The following MSI2 variants were observed in gnomAD, a reference collection of about 807,000 sequenced individuals.
The protein encoded by MSI2 is RNA-binding protein Musashi homolog 2.
A neutral mutation model predicts 45.6 loss-of-function variants in MSI2; 17 were observed. The ratio of observed to expected loss-of-function variants is 0.37; its 90% confidence interval spans 0.26 to 0.56. The LOEUF is 0.56. Among genes scored for constraint, MSI2 ranks in the 20% least tolerant of loss-of-function variants. The pLI, the probability that MSI2 is intolerant of heterozygous loss-of-function variation, is 0.77. For missense variants in MSI2, 293 were observed against 444.2 expected, an observed-to-expected ratio of 0.66 and a Z score of 3.06; for synonymous variants, 156 against 158.2, an observed-to-expected ratio of 0.99 and a Z score of 0.11.
chr17:57,676,858 G>C, intron 12 of MSI2, 129 bp from the exon 13 acceptor site: 1 of 735,048 alleles, frequency 1.4e-6, no homozygotes, highest in Non-Finnish European at 2.5e-6. Context: ...TCATGGCACG[G>C]TGTCTCAGAA....
intron 5 of MSI2, among the ~76,000 whole-genome samples, chr17:57,329,090 G>A (rs1182821927): frequency 6.6e-6 from 1 of 152,106 alleles, no homozygotes; most frequent in East Asian, 1.9e-4. Flanking sequence ...TCTAGCTGGT[G>A]TGTGCCCTGA....
intron 11 of MSI2, among the ~76,000 whole-genome samples, chr17:57,660,147 A>C (rs1911887017): frequency 6.6e-6 from 1 of 152,112 alleles, no homozygotes; most frequent in Non-Finnish European, 1.5e-5. Flanking sequence ...CAATTCTCTT[A>C]GCTTCGCCCT....
chr17:57,630,906 A>G (rs72834944), intron 10 of MSI2: 69,378 of 152,050 alleles, frequency 0.46, 16,472 homozygotes, highest in African/African-American at 0.51. Flanking sequence ...CGGCTGGGGT[A>G]CAGAAGGGGG....
At chr17:57,653,467 C>T (rs1448308417) in intron 11 of MSI2, among the ~76,000 whole-genome samples, 1 of 152,088 alleles carries the variant, frequency 6.6e-6, no homozygotes, top group Non-Finnish European at 1.5e-5. Context: ...GCCCTCTGGC[C>T]AGTGTCCCTC....
chr17:57,288,800 G>C (rs1910141539), intron 5 of MSI2, among the ~76,000 whole-genome samples: 1 of 152,158 alleles, frequency 6.6e-6, no homozygotes, highest in African/African-American at 2.4e-5. Context: ...TTGACATTTT[G>C]AGCCAGATTA....
At chr17:57,311,318 G>A (rs1912381805) in intron 5 of MSI2, among the ~76,000 whole-genome samples, 1 of 152,202 alleles carries the variant, frequency 6.6e-6, no homozygotes, top group Non-Finnish European at 1.5e-5. Context: ...AAGGATGGAG[G>A]TGCTTCTTTG....
chr17:57,465,004 G>A (rs899658078), intron 6 of MSI2, among the ~76,000 whole-genome samples: 1 of 152,162 alleles, frequency 6.6e-6, no homozygotes. Context: ...TACCTGCCCT[G>A]GGAAATGCCC....
At chr17:57,432,310 C>T (rs1288050497) in intron 6 of MSI2, among the ~76,000 whole-genome samples, 1 of 152,172 alleles carries the variant, frequency 6.6e-6, no homozygotes, top group Non-Finnish European at 1.5e-5. Context: ...GAGCTGGTGT[C>T]CCTCTTTCCG....
intron 6 of MSI2, among the ~76,000 whole-genome samples, chr17:57,447,266 C>T (rs1009329312): frequency 5.9e-5 from 9 of 152,022 alleles, no homozygotes; most frequent in South Asian, 2.1e-4. Flanking sequence ...TGTTTTGTTT[C>T]GTTATTTATT....
intron 6 of MSI2, among the ~76,000 whole-genome samples, chr17:57,527,324 T>C (rs555807107): frequency 2.2e-4 from 31 of 141,996 alleles, no homozygotes; most frequent in Middle Eastern, 3.5e-3. Flanking sequence ...GGTCTGAGTC[T>C]GAGATATGCT....
At position 57,257,023 on chromosome 17, in the gene MSI2, T is replaced by C. The variant is rs773224757; in HGVS notation, c.63-75T>C. ...CGCTCGCTCCCCCCCGCTTTCCTTT[T>C]AGCTTTTGTAAGTTACACGTCAAAA... is the stretch of plus-strand genomic sequence containing the variant. On this transcript the variant is annotated intron_variant, in intron 1 of 13. Coordinates refer to ENST00000284073, the MANE Select transcript of MSI2 (RefSeq NM_138962.4). The C allele has an allele frequency of 8.8e-6, 14 of 1,593,576 alleles. No homozygotes were observed. In the East Asian group the frequency reaches 3.1e-4, roughly 35 times the overall value.
intron 10 of MSI2, among the ~76,000 whole-genome samples, chr17:57,648,419 G>C (rs1910867095): frequency 6.6e-6 from 1 of 152,198 alleles, no homozygotes. Context: ...AAGGCAAAGA[G>C]AGCATAAGCA....
intron 5 of MSI2, among the ~76,000 whole-genome samples, chr17:57,316,088 C>G (rs1912826701): frequency 6.6e-6 from 1 of 151,720 alleles, no homozygotes; most frequent in Non-Finnish European, 1.5e-5. Flanking sequence ...TGTGAGTACA[C>G]CTGGTCTTGT....
Position 57,561,178 on chromosome 17 carries a change from C to T in MSI2, c.454+31454C>T, listed in dbSNP as rs73991902. On this transcript the variant is annotated intron_variant, in intron 7 of 13. Coordinates refer to ENST00000284073, the MANE Select transcript of MSI2 (RefSeq NM_138962.4). ...ACCTCACAATCCAGAAGAAACCAAG[C>T]GAAGTGATGAAACCACAGCCCTGAG... 9.2e-3 allele frequency among the ~76,000 whole-genome samples: 1,397 copies of T among 152,250 alleles called. 24 individuals are homozygous for T. Among genetic ancestry groups the T allele is most frequent in the African/African-American group, 0.032 (1,348 of 41,536 alleles).
chr17:57,373,426 T>G (rs1156419858), intron 5 of MSI2, among the ~76,000 whole-genome samples: 1 of 152,176 alleles, frequency 6.6e-6, no homozygotes, highest in Non-Finnish European at 1.5e-5. Context: ...AAGATATTGA[T>G]CTATTTTTTA....
At chr17:57,619,905 G>C (rs1300689710) in intron 9 of MSI2, among the ~76,000 whole-genome samples, 1 of 152,224 alleles carries the variant, frequency 6.6e-6, no homozygotes, top group African/African-American at 2.4e-5. Flanking sequence ...TTGCAGTTCA[G>C]AGCCTATTGT....
At chr17:57,320,382 G>A (rs9904570) in intron 5 of MSI2, among the ~76,000 whole-genome samples, 125,994 of 151,950 alleles carry the variant, frequency 0.83, 52,294 homozygotes, top group Middle Eastern at 0.9. Flanking sequence ...GAATGCGGGG[G>A]CTTGAATCCA....
chr17:57,483,612 T>C (rs930000818), intron 6 of MSI2, among the ~76,000 whole-genome samples: 3 of 152,040 alleles, frequency 2.0e-5, no homozygotes, highest in African/African-American at 7.2e-5. Context: ...GACTAAAACT[T>C]AGATGTTTGG....
At chr17:57,506,271 A>G (rs144563706) in intron 6 of MSI2, among the ~76,000 whole-genome samples, 1 of 152,274 alleles carries the variant, frequency 6.6e-6, no homozygotes, top group East Asian at 1.9e-4. Flanking sequence ...TACATTTCCA[A>G]GGTTCTCCAC....
Sources: allele counts gnomAD v4.1 joint callset (sites outside exome capture counted in the v4.1 genomes callset), GRCh38; gene constraint gnomAD v4.1.1; transcripts MANE v1.5; gene names NCBI Gene and HGNC (gene_info 2026-07-23, HGNC 2026-07-21).